The following PIK3R2 variants were observed in gnomAD, a reference collection of about 807,000 sequenced individuals.
PIK3R2 encodes the protein phosphatidylinositol 3-kinase regulatory subunit beta.
A neutral mutation model predicts 78.5 loss-of-function variants in PIK3R2; 40 were observed. The ratio of observed to expected loss-of-function variants is 0.51; its 90% CI spans 0.40 to 0.66. PIK3R2 has a LOEUF of 0.66. Ranked by LOEUF, PIK3R2 falls within the 30% of genes least tolerant of loss-of-function variation. The pLI is 0.00. For missense variants in PIK3R2, 880 were observed against 1,026.6 expected (o/e 0.86, Z 1.95); for synonymous variants, 473 against 457.7 (o/e 1.03, Z -0.43).
chr19:18,165,220 T>C (rs1599982474), intron 11 of PIK3R2, among the ~76,000 whole-genome samples: 1 of 141,730 alleles, frequency 7.1e-6, no homozygotes, highest in African/African-American at 2.6e-5. Flanking sequence ...ATACAAAAAA[T>C]TAGGCGTCAT....
intron 2 of PIK3R2, 125 bp from the exon 3 acceptor site, chr19:18,160,346 C>T (rs1020825903): frequency 3.0e-6 from 2 of 674,134 alleles, no homozygotes; most frequent in Admixed American, 2.4e-5. Context: ...AGTCAAGGTG[C>T]CAAGCACTTG....
rs567142859 is a variant in PIK3R2 at position 18,167,896 on chromosome 19, T to C, written c.1737-579T>C. Among the ~76,000 whole-genome samples, 1 of 151,978 alleles carries C rather than the reference T, an allele frequency of 6.6e-6. No individual in the cohort carries two copies. The highest frequency in any genetic ancestry group is 2.4e-5 in the African/African-American group (1 of 41,508). ...AAAAGAAAAAAAAAATCGCCTGCTG[T>C]GCAACCTACCATGCTGGGTGGCTGC... On this transcript the variant is annotated intron_variant, in intron 13 of 15. Coordinates refer to ENST00000222254, the MANE Select transcript of PIK3R2 (RefSeq NM_005027.4). This position sits in a 1 kb window ranked among gnomAD's most constrained non-coding sequence, Gnocchi z 4.5.
chr19:18,162,948 C>T lies in PIK3R2; in HGVS notation c.1110-19C>T, dbSNP rs2147952727. On this transcript the variant is annotated intron_variant, in intron 9 of 15. Coordinates refer to ENST00000222254, the MANE Select transcript of PIK3R2 (RefSeq NM_005027.4). ...GGTGCGGGGTCCCACTGGGTGCCGA[C>T]ACCCCTCTCCTCCCCCAGGAAAGGC... The T allele has an allele frequency of 1.2e-6, 2 of 1,609,876 alleles. No individual in the cohort carries two copies. The highest frequency in any genetic ancestry group is 8.5e-7 in the Non-Finnish European group (1 of 1,177,264).
intron 9 of PIK3R2, chr19:18,162,712 C>G: frequency 1.7e-6 from 1 of 601,928 alleles, no homozygotes; most frequent in South Asian, 2.1e-5. Context: ...GGTGAAACCC[C>G]GTCTCTACTA....
intron 2 of PIK3R2, 136 bp from the exon 3 acceptor site, chr19:18,160,335 G>T (rs538998871): frequency 1.5e-6 from 1 of 650,500 alleles, no homozygotes; most frequent in African/African-American, 1.8e-5. Context: ...CTGCGGATGG[G>T]AGTCAAGGTG....
rs766254350 is a variant in PIK3R2, at chr19:18,163,115, C to T, written c.1258C>T (p.Arg420Trp). 4 of 1,613,982 alleles carry T rather than the reference C, an allele frequency of 2.5e-6. No individual in the cohort carries two copies. The highest frequency in any genetic ancestry group is 1.3e-5 in the African/African-American group (1 of 74,990). The change falls in exon 10 of 16, where the codon CGG becomes TGG. Residue 420 changes from arginine to tryptophan, a missense_variant. Transcript: ENST00000222254. ...CCAGTACAATGCCAAGCTGGACACA[C>T]GGCTCCTCTACCCTGTGTCCAAATA... ...LAQYNAKLDT[R>W]LLYPVSKYQQ...
In PIK3R2 at chr19:18,167,542, G is replaced by T. The variant is rs1420025897; in HGVS notation, c.1736+236G>T. Among the ~76,000 whole-genome samples, 1 of 152,140 alleles carries T rather than the reference G, an allele frequency of 6.6e-6. No homozygotes were observed. The highest frequency in any genetic ancestry group is 6.6e-5 in the Admixed American group (1 of 15,256). On this transcript the variant is annotated intron_variant, in intron 13 of 15. Coordinates refer to ENST00000222254, the MANE Select transcript of PIK3R2 (RefSeq NM_005027.4). This position sits in a 1 kb window ranked among gnomAD's most constrained non-coding sequence, Gnocchi z 4.5. ...CCTATCCCATTCCATTTTGTGGAAA[G>T]TTGGAAGCCTTCCACAAAAATTCCT...
rs1323328245 is a variant in PIK3R2 at position 18,168,789 on chromosome 19, G to A, written c.1872G>A (p.Val624=). ...ACCACGAGGAACGCACTTGGTACGT[G>A]GGCAAGATCAACCGCACGCAGGCAG... ...LPHHEERTWY[V]GKINRTQAEE... Residue 624 remains valine (V), a synonymous_variant, in exon 15 of 16, where the codon GTG becomes GTA. Coordinates refer to ENST00000222254, the MANE Select transcript of PIK3R2 (RefSeq NM_005027.4). This position sits in a 1 kb window ranked among gnomAD's most constrained non-coding sequence, Gnocchi z 4.1. 1.9e-6 allele frequency: 3 copies of A among 1,613,934 alleles called. No individual in the cohort carries two copies. The highest frequency in any genetic ancestry group is 1.3e-5 in the African/African-American group (1 of 75,040).
chr19:18,153,956 C>T (rs2043650197), intron 1 of PIK3R2, among the ~76,000 whole-genome samples: 1 of 152,144 alleles, frequency 6.6e-6, no homozygotes, highest in Admixed American at 6.5e-5. Flanking sequence ...AATGTGGCGC[C>T]CCTCCGCCCT....
At chr19:18,157,965 G>A (rs562235876) in intron 2 of PIK3R2, among the ~76,000 whole-genome samples, 6 of 152,214 alleles carry the variant, frequency 3.9e-5, no homozygotes, top group Non-Finnish European at 7.4e-5. Context: ...AGGGCTGGGA[G>A]GGGGCTGGGC....
At position 18,161,144 on chromosome 19, in the gene PIK3R2, T is replaced by G; in HGVS notation, c.557T>G (p.Val186Gly). The G allele has an allele frequency of 6.4e-7, 1 of 1,554,236 alleles. No individual in the cohort carries two copies. The highest frequency in any genetic ancestry group is 8.7e-7 in the Non-Finnish European group (1 of 1,149,788). Residue 186 changes from valine (V) to glycine (G), a missense_variant, in exon 5 of 16, where the codon GTG becomes GGG. Coordinates refer to ENST00000222254, the MANE Select transcript of PIK3R2 (RefSeq NM_005027.4). The surrounding 1 kb of genome is among the most constrained non-coding windows in gnomAD (Gnocchi z 5.3). ...CTGCTGGCACTGCCCGCGCCGCTCG[T>G]GACCCCCGAGGCCTCGGCCGAGGCG... ...SFLLALPAPL[V>G]TPEASAEARR... is the part of the protein sequence containing the mutation.
rs779038243 is a variant in PIK3R2 at position 18,169,535 on chromosome 19, A to G, written c.*241A>G. 3.1e-4 allele frequency: 103 copies of G among 328,536 alleles called. 1 individual carries two copies. Among genetic ancestry groups the G allele is most frequent in the Non-Finnish European group, 4.9e-4 (88 of 179,698 alleles). The allele number at this position is 328,536 out of a possible 1,614,324, so 20.4% of individuals were successfully genotyped here. ...TGTCTCTCTCCATGTTGGGGGTCCT[A>G]ACTCCCCCACCCCATATCTACGTGT... On this transcript the variant is annotated 3_prime_UTR_variant, in exon 16 of 16. Transcript: ENST00000222254.
At position 18,156,904 on chromosome 19, in the gene PIK3R2, G is replaced by C. The variant is rs2043683686; in HGVS notation, c.322+703G>C. ...TGCTGTTTGATGGGCAGGGAGTGTG[G>C]GCTCTGGCCGGGGAAACTGTGGCCC... On this transcript the variant is annotated intron_variant, in intron 2 of 15. Coordinates refer to ENST00000222254, the MANE Select transcript of PIK3R2 (RefSeq NM_005027.4). This position sits in a 1 kb window ranked among gnomAD's most constrained non-coding sequence, Gnocchi z 4.2. 6.6e-6 allele frequency among the ~76,000 whole-genome samples: 1 copy of C among 152,194 alleles called. No homozygotes were observed. The highest frequency in any genetic ancestry group is 2.4e-5 in the African/African-American group (1 of 41,460).
rs1252140268 is a variant in PIK3R2 at position 18,155,779 on chromosome 19, A to G, written c.-101A>G. 4 of 1,131,282 alleles carry G rather than the reference A, an allele frequency of 3.5e-6. No individual in the cohort carries two copies. The highest frequency in any genetic ancestry group is 4.9e-6 in the Non-Finnish European group (4 of 822,280). The allele number at this position is 1,131,282 out of a possible 1,614,324, so 70.1% of individuals were successfully genotyped here. A position where few individuals can be genotyped will look rare whatever the true frequency, so the allele number is the denominator to read the frequency against. The stretch of plus-strand genomic sequence containing the variant: ...TGGAGATAGAGGTCCCAGCACCCCA[A>G]GCCAACCCAGCGGACCCTCCCAGCC... On this transcript the variant is annotated 5_prime_UTR_variant, in exon 2 of 16. Coordinates refer to ENST00000222254, the MANE Select transcript of PIK3R2 (RefSeq NM_005027.4).
rs906342722 is a variant in PIK3R2, at chr19:18,160,817, G to C, written c.416-102G>C. On this transcript the variant is annotated intron_variant, in intron 3 of 15. Transcript: ENST00000222254. Reference sequence around the variant, plus strand: ...CCACCCCTCCCATGCCCTTATCTCTGGGCAGCAAAGGGAGACTGCAGGGGG... The same window carrying C: ...CCACCCCTCCCATGCCCTTATCTCTCGGCAGCAAAGGGAGACTGCAGGGGG... 1.4e-5 allele frequency: 19 copies of C among 1,366,006 alleles called. No homozygotes were observed. The South Asian group carries it at 2.0e-4, about 14-fold the overall frequency. The allele number at this position is 1,366,006 out of a possible 1,614,324, so 84.6% of individuals were successfully genotyped here. A position where few individuals can be genotyped will look rare whatever the true frequency, so the allele number is the denominator to read the frequency against.
rs1047084894 is a variant in PIK3R2 at position 18,153,239 on chromosome 19, G to C, written c.-479G>C. 6.4e-6 allele frequency: 1 copy of C among 155,210 alleles called. No individual in the cohort carries two copies. The highest frequency in any genetic ancestry group is 1.4e-5 in the Non-Finnish European group (1 of 69,994). 9.6% of individuals were successfully genotyped at this position (155,210 alleles called of 1,614,324 possible). On this transcript the variant is annotated 5_prime_UTR_variant, in exon 1 of 16. Coordinates refer to ENST00000222254, the MANE Select transcript of PIK3R2 (RefSeq NM_005027.4). The stretch of plus-strand genomic sequence containing the variant: ...CGACGGTGGCCGCGGTGGAGCCACG[G>C]GGCGGGCTTGGCTTGGTGTGACGGC...
rs758877789 is a variant in PIK3R2 at position 18,162,234 on chromosome 19, G to T, written c.934G>T (p.Ala312Ser). The T allele has an allele frequency of 1.2e-6, 2 of 1,603,556 alleles. No individual in the cohort carries two copies. The highest frequency in any genetic ancestry group is 1.7e-6 in the Non-Finnish European group (2 of 1,171,078). The change falls in exon 8 of 16, where the codon GCC (alanine) becomes TCC (serine). Residue 312 changes from alanine (A) to serine (S), a missense_variant. Coordinates refer to ENST00000222254, the MANE Select transcript of PIK3R2 (RefSeq NM_005027.4). ...GCCTAAACCCCCCAAGGCAAAGCCGGCCTCCACAGTCCTGGCCAATGGAGG... is the reference window on the plus strand; with the variant it reads ...GCCTAAACCCCCCAAGGCAAAGCCGTCCTCCACAGTCCTGGCCAATGGAGG... ...LPPKPPKAKP[A>S]STVLANGGSP...
chr19:18,153,777 C>T (rs1050253360), intron 1 of PIK3R2, among the ~76,000 whole-genome samples: 2 of 152,222 alleles, frequency 1.3e-5, no homozygotes, highest in African/African-American at 4.8e-5. Flanking sequence ...CCCCTCCCGC[C>T]TCCCGGATTC....
At position 18,163,285 on chromosome 19, in the gene PIK3R2, G is replaced by A. The variant is rs1202428224; in HGVS notation, c.1313G>A (p.Ser438Asn). The change falls in exon 11 of 16, where the codon AGC becomes AAC. Residue 438 changes from serine to asparagine, a missense_variant. Ser to Asn is a conservative substitution (Grantham distance 46). Coordinates refer to ENST00000222254, the MANE Select transcript of PIK3R2 (RefSeq NM_005027.4). ...YQQDQIVKED[S>N]VEAVGAQLKV... is the part of the protein sequence containing the mutation. ...CAGGACCAGATTGTCAAGGAGGACA[G>A]CGTGGAGGCAGTGGGCGCCCAGCTT... 2 of 1,614,154 alleles carry A rather than the reference G, an allele frequency of 1.2e-6. No individual in the cohort carries two copies. Among genetic ancestry groups the A allele is most frequent in the Non-Finnish European group, 1.7e-6 (2 of 1,180,024 alleles).
Sources: gnomAD v4.1 joint callset for allele counts (sites outside exome capture counted in the v4.1 genomes callset) on GRCh38, gnomAD v4.1.1 for gene constraint, Gnocchi (gnomAD v3.1) non-coding constraint, MANE v1.5 for transcripts, NCBI Gene and HGNC (gene_info 2026-07-23, HGNC 2026-07-21) for gene names.